Variants in GRIK3 observed in about 807,000 individuals in gnomAD.
GRIK3 encodes glutamate receptor ionotropic, kainate 3.
GRIK3 carries 29 observed loss-of-function variants against 102.5 expected under a neutral mutation model. The observed-to-expected ratio is 0.28, with a 90% CI of 0.21 to 0.39. The LOEUF (loss-of-function observed/expected upper bound fraction) is 0.39. Among genes scored for constraint, GRIK3 ranks in the 10% least tolerant of loss-of-function variants. The pLI, the probability that GRIK3 is intolerant of heterozygous loss-of-function variation, is 1.00. For synonymous variants in GRIK3, 511 were observed against 504.9 expected, an observed-to-expected ratio of 1.01 and a Z score of -0.16; for missense variants, 908 against 1,252.4, an observed-to-expected ratio of 0.73 and a Z score of 4.15.
intron 1 of GRIK3, among the ~76,000 whole-genome samples, chr1:36,980,139 T>C (rs11263956): frequency 0.15 from 23,569 of 152,094 alleles, 2,540 homozygotes; most frequent in African/African-American, 0.31. Flanking sequence ...ACCATGAACC[T>C]CCAACTTGTT....
At chr1:36,839,927 G>C (rs190647006) in intron 10 of GRIK3, among the ~76,000 whole-genome samples, 3 of 152,162 alleles carry the variant, frequency 2.0e-5, no homozygotes, top group Non-Finnish European at 2.9e-5. Flanking sequence ...CCCTCAGACC[G>C]AGGCAAGGGG....
chr1:36,831,784 A>G (rs903126278), intron 10 of GRIK3, among the ~76,000 whole-genome samples: 3 of 152,184 alleles, frequency 2.0e-5, no homozygotes, highest in Non-Finnish European at 4.4e-5. Context: ...TAATTAATTA[A>G]AGCTTAAAAT....
chr1:37,029,185 C>G (rs983336419), intron 1 of GRIK3, among the ~76,000 whole-genome samples: 3 of 152,218 alleles, frequency 2.0e-5, no homozygotes, highest in African/African-American at 7.2e-5. Context: ...CCAGCCCCAT[C>G]CGCATCAGCT....
chr1:36,805,565 T>A (rs1398204057), intron 14 of GRIK3, among the ~76,000 whole-genome samples: 1 of 152,154 alleles, frequency 6.6e-6, no homozygotes, highest in African/African-American at 2.4e-5. Context: ...ACCTCGCGTC[T>A]GTCCCAGCTC....
chr1:36,805,378 C>T (rs1642487695), intron 14 of GRIK3, 141 bp from the exon 15 acceptor site: 3 of 774,526 alleles, frequency 3.9e-6, no homozygotes, highest in Non-Finnish European at 6.1e-6. Flanking sequence ...TGTGAGTCCC[C>T]TTTAAATCGA....
At position 37,009,812 on chromosome 1, in the gene GRIK3, C is replaced by T. The variant is rs560582857; in HGVS notation, c.115+24182G>A. Among the ~76,000 whole-genome samples, 187 of 151,998 alleles carry T rather than the reference C, an allele frequency of 1.2e-3. 4 individuals carry two copies. The South Asian group carries it at 0.035, about 29-fold the overall frequency. ...GGACTGAAGTAGGGACTTGGGCAATCGTGGTAATGAGGAAAAATGGCCCCT... is the reference window on the plus strand; with the variant it reads ...GGACTGAAGTAGGGACTTGGGCAATTGTGGTAATGAGGAAAAATGGCCCCT... On this transcript the variant is annotated intron_variant, in intron 1 of 15. Transcript: ENST00000373091.
intron 1 of GRIK3, among the ~76,000 whole-genome samples, chr1:36,972,740 C>A: frequency 6.6e-6 from 1 of 152,208 alleles, no homozygotes; most frequent in East Asian, 1.9e-4. Flanking sequence ...TCTCATTTAA[C>A]AGACTAGAAA....
intron 1 of GRIK3, among the ~76,000 whole-genome samples, chr1:36,957,629 G>A (rs1307507735): frequency 2.1e-4 from 21 of 102,102 alleles, no homozygotes; most frequent in Admixed American, 1.5e-3. Context: ...ACTGTGCCCC[G>A]TAAGCCTGTG....
At position 36,909,294 on chromosome 1, in the gene GRIK3, C is replaced by CT. The variant is rs112156014; in HGVS notation, c.116-18199dup. ...AATAAGCAGATACTACAAATCAGGG[C>CT]TTTTTTTTTTTTTTTCCTTCCTGAG... On this transcript the variant is annotated intron_variant, in intron 1 of 15. Transcript: ENST00000373091. 3.4e-3 allele frequency among the ~76,000 whole-genome samples: 470 copies of CT among 139,564 alleles called. 3 individuals carry two copies. The highest frequency in any genetic ancestry group is 7.6e-3 in the East Asian group (37 of 4,842). 91.6% of individuals were successfully genotyped at this position (139,564 alleles called of 152,430 possible). A position where few individuals can be genotyped will look rare whatever the true frequency, so the allele number is the denominator to read the frequency against.
At chr1:37,002,365 G>A (rs1642486744) in intron 1 of GRIK3, among the ~76,000 whole-genome samples, 1 of 152,126 alleles carries the variant, frequency 6.6e-6, no homozygotes, top group African/African-American at 2.4e-5. Flanking sequence ...GACCTTGCTG[G>A]GGATGGCTGC....
At chr1:36,912,911 C>A (rs72668201) in intron 1 of GRIK3, among the ~76,000 whole-genome samples, 1 of 152,218 alleles carries the variant, frequency 6.6e-6, no homozygotes, top group African/African-American at 2.4e-5. Context: ...TTGATATTTA[C>A]GTGACAAATC....
At chr1:36,867,766 C>T (rs983992437) in intron 5 of GRIK3, among the ~76,000 whole-genome samples, 12 of 152,180 alleles carry the variant, frequency 7.9e-5, no homozygotes, top group Admixed American at 4.6e-4. Flanking sequence ...GTACTGCCCT[C>T]GCCACCCACT....
chr1:36,825,127 T>C lies in GRIK3; in HGVS notation c.1754+476A>G, dbSNP rs374767593. Among the ~76,000 whole-genome samples, 35 of 152,302 alleles carry C rather than the reference T, an allele frequency of 2.3e-4. 1 individual carries two copies. The highest frequency in any genetic ancestry group is 8.2e-4 in the African/African-American group (34 of 41,566). ...GGGAGCCCAGACAGGGATGTGTGTA[T>C]GTGTGCCGTGTTTCTGCATGTGGGG... is the stretch of plus-strand genomic sequence containing the variant. On this transcript the variant is annotated intron_variant, in intron 11 of 15. Coordinates refer to ENST00000373091, the MANE Select transcript of GRIK3 (RefSeq NM_000831.4).
chr1:36,987,596 T>C (rs1642319572), intron 1 of GRIK3, among the ~76,000 whole-genome samples: 1 of 152,122 alleles, frequency 6.6e-6, no homozygotes, highest in Non-Finnish European at 1.5e-5. Context: ...CCATCCATTA[T>C]TCACCAAGGC....
At chr1:36,860,363 G>T (rs1640708076) in intron 5 of GRIK3, among the ~76,000 whole-genome samples, 1 of 152,238 alleles carries the variant, frequency 6.6e-6, no homozygotes, top group African/African-American at 2.4e-5. Context: ...TAATGAGGCT[G>T]CTTCCTTTCA....
intron 1 of GRIK3, among the ~76,000 whole-genome samples, chr1:36,960,258 T>C (rs1334832053): frequency 1.4e-5 from 2 of 148,014 alleles, no homozygotes; most frequent in African/African-American, 2.5e-5. Flanking sequence ...GTGTGCCCTG[T>C]GACTCTGTGA....
intron 1 of GRIK3, among the ~76,000 whole-genome samples, chr1:36,995,673 C>G (rs1642412165): frequency 2.6e-5 from 4 of 152,222 alleles, no homozygotes; most frequent in Admixed American, 1.3e-4. Flanking sequence ...CCTCAGGAAC[C>G]AGCCTGTTGC....
At chr1:36,821,511 T>TGAC (rs932626584) in intron 11 of GRIK3, among the ~76,000 whole-genome samples, 1 of 152,184 alleles carries the variant, frequency 6.6e-6, no homozygotes, top group Non-Finnish European at 1.5e-5. Context: ...GGGGTCGGGC[T>TGAC]GATGGGTGCT....
intron 1 of GRIK3, among the ~76,000 whole-genome samples, chr1:37,018,416 G>C (rs1315566113): frequency 6.6e-6 from 1 of 152,130 alleles, no homozygotes; most frequent in African/African-American, 2.4e-5. Flanking sequence ...CACCAGATCT[G>C]CTCCTTCTCA....
Sources: gnomAD v4.1 joint callset for allele counts (sites outside exome capture counted in the v4.1 genomes callset) on GRCh38, gnomAD v4.1.1 for gene constraint, MANE v1.5 for transcripts, NCBI Gene and HGNC (gene_info 2026-07-23, HGNC 2026-07-21) for gene names.